The following SLC9B1 variants were observed in gnomAD, a reference collection of about 807,000 sequenced individuals.
The protein encoded by SLC9B1 is sodium/hydrogen exchanger 9B1.
In SLC9B1, 32 loss-of-function variants were observed where a neutral mutation model predicts 51.7. The ratio of observed to expected loss-of-function variants is 0.62; its 90% confidence interval spans 0.47 to 0.83. SLC9B1 has a LOEUF of 0.83. SLC9B1 is among the 40% of genes least tolerant of loss of function. The pLI is 0.00. For missense variants in SLC9B1, 406 were observed against 613.2 expected, an observed-to-expected ratio of 0.66 and a Z score of 3.57; for synonymous variants, 145 against 212.7, an observed-to-expected ratio of 0.68 and a Z score of 2.77.
chr4:102,989,905 T>G lies in SLC9B1; in HGVS notation c.106A>C (p.Thr36Pro), dbSNP rs759826301. ...IDPNNTAQEE[T>P]KTVLSDTEEI... ...TCTGTATCTGATAAGACAGTTTTAG[T>G]TTCTTCCTGTGCAGTATTATTAGGA... Residue 36 changes from threonine (T) to proline (P), a missense_variant, in exon 3 of 12, where the codon ACT (threonine) becomes CCT (proline). Around this residue, in one of 6 missense-constraint regions of SLC9B1, gnomAD observed 108 missense variants for 94.5 expected, o/e 1.14. Transcript: ENST00000296422. The G allele has an allele frequency of 6.3e-7, 1 of 1,595,708 alleles. No homozygotes were observed. The highest frequency in any genetic ancestry group is 2.2e-5 in the East Asian group (1 of 44,460).
At chr4:102,977,110 A>G (rs1373381494) in intron 3 of SLC9B1, among the ~76,000 whole-genome samples, 2 of 152,014 alleles carry the variant, frequency 1.3e-5, no homozygotes, top group Non-Finnish European at 2.9e-5. Context: ...TGATGGTGCC[A>G]CTGTACTGCA....
chr4:102,970,421 T>C (rs1738694022), intron 3 of SLC9B1, among the ~76,000 whole-genome samples: 1 of 152,184 alleles, frequency 6.6e-6, no homozygotes, highest in South Asian at 2.1e-4. Flanking sequence ...TAAAATCCTT[T>C]ACAGACAAGC....
At chr4:102,914,233 G>C (rs1560924114) in intron 7 of SLC9B1, among the ~76,000 whole-genome samples, 1 of 50,290 alleles carries the variant, frequency 2.0e-5, no homozygotes, top group Non-Finnish European at 3.7e-5. Flanking sequence ...TGCACTGGAT[G>C]AATCAGCCAG....
chr4:102,956,845 GA>G (rs1397523488), intron 3 of SLC9B1, among the ~76,000 whole-genome samples: 1 of 151,918 alleles, frequency 6.6e-6, no homozygotes, highest in Non-Finnish European at 1.5e-5. Flanking sequence ...TCATACTCTG[GA>G]AAAAAAGCAG....
chr4:102,926,685 T>C (rs1222802566), intron 7 of SLC9B1, among the ~76,000 whole-genome samples: 1 of 152,218 alleles, frequency 6.6e-6, no homozygotes, highest in Non-Finnish European at 1.5e-5. Context: ...AAGTAATTTA[T>C]AGATTCAATA....
intron 3 of SLC9B1, among the ~76,000 whole-genome samples, chr4:102,952,119 TC>T (rs1171979262): frequency 4.4e-4 from 3 of 6,858 alleles, no homozygotes; most frequent in African/African-American, 9.1e-4. Flanking sequence ...CCCTCCCCCC[TC>T]CCCCGACCCC....
At chr4:102,941,153 A>T (rs1736975745) in intron 6 of SLC9B1, among the ~76,000 whole-genome samples, 1 of 152,168 alleles carries the variant, frequency 6.6e-6, no homozygotes, top group African/African-American at 2.4e-5. Flanking sequence ...AAATTGACAA[A>T]TGGGATCTAA....
At position 103,019,630 on chromosome 4, in the gene SLC9B1, G is replaced by C; in HGVS notation, c.-33C>G. The C allele has an allele frequency of 1.0e-6, 1 of 985,488 alleles. No individual in the cohort carries two copies. Among genetic ancestry groups the C allele is most frequent in the Non-Finnish European group, 1.2e-6 (1 of 829,976 alleles). 61.0% of individuals were successfully genotyped at this position (985,488 alleles called of 1,614,324 possible). A position where few individuals can be genotyped will look rare whatever the true frequency, so the allele number is the denominator to read the frequency against. ...CTTCTTTCGCAGCCCTCGCTGGCCC[G>C]GGAGCGGCCCAGGAGCCCAGTGACC... On this transcript the variant is annotated 5_prime_UTR_variant, in exon 1 of 12. Transcript: ENST00000296422.
At chr4:102,958,352 A>G (rs1737911770) in intron 3 of SLC9B1, among the ~76,000 whole-genome samples, 1 of 152,162 alleles carries the variant, frequency 6.6e-6, no homozygotes. Context: ...AGCTTCCTGA[A>G]GCCTTCCCAG....
At chr4:102,973,753 C>A (rs1274456615) in intron 3 of SLC9B1, among the ~76,000 whole-genome samples, 10 of 151,894 alleles carry the variant, frequency 6.6e-5, no homozygotes, top group Non-Finnish European at 1.5e-4. Flanking sequence ...TAAAGGCATA[C>A]CTTAAATAAT....
chr4:102,949,263 G>T lies in SLC9B1; in HGVS notation c.376C>A (p.Leu126Ile). 1.3e-6 allele frequency: 2 copies of T among 1,578,110 alleles called. No individual in the cohort carries two copies. The highest frequency in any genetic ancestry group is 2.4e-5 in the South Asian group (2 of 84,624). ...RIPLVPPLPP[L>I]LGMLLAGFTI... ...GAGCTAATTATATACTTACCAAGAA[G>T]AGGTGGAAGTGGAGGCACTAAAGGT... The change falls in exon 4 of 12, where the codon CTT (leucine) becomes ATT (isoleucine). Residue 126 changes from leucine (L) to isoleucine (I), a missense_variant. Physicochemically the swap from Leu to Ile is conservative, Grantham distance 5. Coordinates refer to ENST00000296422, the MANE Select transcript of SLC9B1 (RefSeq NM_139173.4).
chr4:102,921,131 G>T (rs1735852886), intron 7 of SLC9B1, among the ~76,000 whole-genome samples: 1 of 152,188 alleles, frequency 6.6e-6, no homozygotes, highest in Non-Finnish European at 1.5e-5. Context: ...AGGTTGAAAT[G>T]AAGGAAAAAG....
chr4:102,959,734 G>A (rs1271138798), intron 3 of SLC9B1, among the ~76,000 whole-genome samples: 2 of 152,066 alleles, frequency 1.3e-5, no homozygotes, highest in African/African-American at 4.8e-5. Flanking sequence ...CCGCTTGGCT[G>A]GTGCCAAGGA....
At chr4:102,906,720 C>T (rs75806140) in intron 9 of SLC9B1, 76 bp from the exon 10 acceptor site, 6,332 of 438,506 alleles carry the variant, frequency 0.014, 4 homozygotes, top group Middle Eastern at 0.025. Context: ...CTTCCCCCCC[C>T]TTTTTTTTTT....
At chr4:102,991,502 C>T in intron 2 of SLC9B1, 141 bp downstream of exon 2, 1 of 525,116 alleles carries the variant, frequency 1.9e-6, no homozygotes, top group Non-Finnish European at 3.2e-6. Context: ...GGACCCATTA[C>T]AACTAGCTAT....
intron 1 of SLC9B1, among the ~76,000 whole-genome samples, chr4:103,008,396 CT>C (rs1488722974): frequency 6.7e-6 from 1 of 149,444 alleles, no homozygotes; most frequent in African/African-American, 2.5e-5. Flanking sequence ...ACTGGGCAAT[CT>C]AAGTTCTCTG....
intron 1 of SLC9B1, among the ~76,000 whole-genome samples, chr4:103,016,429 T>C (rs776631347): frequency 3.7e-4 from 56 of 152,180 alleles, no homozygotes; most frequent in Non-Finnish European, 7.2e-4. Context: ...GAGATGTCTA[T>C]AGTACTACGT....
chr4:102,939,254 C>T (rs1736871694), intron 6 of SLC9B1, among the ~76,000 whole-genome samples: 1 of 151,468 alleles, frequency 6.6e-6, no homozygotes, highest in African/African-American at 2.4e-5. Context: ...CTACGATGAA[C>T]ATCTTCATGC....
Position 102,901,320 on chromosome 4 carries a change from G to A in SLC9B1, c.1345C>T (p.Pro449Ser). The A allele has an allele frequency of 4.3e-6, 7 of 1,611,932 alleles. No individual in the cohort carries two copies. The highest frequency in any genetic ancestry group is 5.9e-6 in the Non-Finnish European group (7 of 1,179,788). Residue 449 changes from proline to serine, a missense_variant, in exon 12 of 12, where the codon CCT (proline) becomes TCT (serine). Transcript: ENST00000296422. The stretch of plus-strand genomic sequence containing the variant: ...ACTCTTGCTGTTTCTAGAGCCAGAG[G>A]ACCTAACACAGCCTGCATTTAGGGG... The part of the protein sequence containing the change: ...PKATVQAVLG[P>S]LALETARVSA...
Sources: gnomAD v4.1 joint callset for allele counts (sites outside exome capture counted in the v4.1 genomes callset) on GRCh38, gnomAD v4.1.1 for gene constraint, gnomAD v4.1.1 regional missense constraint, MANE v1.5 for transcripts, NCBI Gene and HGNC (gene_info 2026-07-23, HGNC 2026-07-21) for gene names.